Variants in CFAP299 observed in about 807,000 individuals in gnomAD.
CFAP299 encodes cilia- and flagella-associated protein 299.
In CFAP299, 21 loss-of-function variants were observed where a neutral mutation model predicts 27.0. The observed-to-expected ratio is 0.78, with a 90% confidence interval of 0.55 to 1.12. The LOEUF (loss-of-function observed/expected upper bound fraction) is 1.12. Among genes scored for constraint, CFAP299 ranks in the 50% most tolerant of loss-of-function variants. The probability of loss-of-function intolerance (pLI) is 0.00; values close to 1 mark genes in which losing one functional copy is unlikely to be tolerated. For synonymous variants in CFAP299, 104 were observed against 98.1 expected, an observed-to-expected ratio of 1.06 and a Z score of -0.36; for missense variants, 310 against 276.6, an observed-to-expected ratio of 1.12 and a Z score of -0.86.
At chr4:80,490,045 A>G (rs1391797601) in intron 2 of CFAP299, among the ~76,000 whole-genome samples, 1 of 152,150 alleles carries the variant, frequency 6.6e-6, no homozygotes, top group Non-Finnish European at 1.5e-5. Flanking sequence ...GTATCTCCTG[A>G]GCCTGCGACA....
At chr4:80,856,418 T>C (rs1428327929) in intron 3 of CFAP299, among the ~76,000 whole-genome samples, 1 of 151,724 alleles carries the variant, frequency 6.6e-6, no homozygotes, top group African/African-American at 2.4e-5. Context: ...TTAGATCCCA[T>C]TTGTCAATTT....
chr4:80,512,735 A>G (rs919784574), intron 2 of CFAP299, among the ~76,000 whole-genome samples: 5 of 152,078 alleles, frequency 3.3e-5, no homozygotes, highest in Admixed American at 2.6e-4. Flanking sequence ...CAAAAAAGAG[A>G]TGATTAAGTG....
At chr4:80,959,840 C>T (rs1402881468) in intron 5 of CFAP299, among the ~76,000 whole-genome samples, 2 of 151,750 alleles carry the variant, frequency 1.3e-5, no homozygotes, top group Admixed American at 6.6e-5. Flanking sequence ...TAATAGAGGA[C>T]ATTTGGACAT....
Position 80,583,264 on chromosome 4 carries a change from T to C in CFAP299, c.333+81T>C. 3 of 707,348 alleles carry C rather than the reference T, an allele frequency of 4.2e-6. No homozygotes were observed. In the South Asian group the frequency reaches 8.4e-5, roughly 20 times the overall value. The allele number at this position is 707,348 out of a possible 1,614,324, so 43.8% of individuals were successfully genotyped here. ...TTAAAAAATGTAACATTAAATATCTTTCTTAAAGTAATTTACAAGATATAA... is the reference window on the plus strand; with the variant it reads ...TTAAAAAATGTAACATTAAATATCTCTCTTAAAGTAATTTACAAGATATAA... On this transcript the variant is annotated intron_variant, in intron 3 of 5. Coordinates refer to ENST00000358105, the MANE Select transcript of CFAP299 (RefSeq NM_152770.3).
At chr4:80,720,479 G>A (rs1722748851) in intron 3 of CFAP299, among the ~76,000 whole-genome samples, 1 of 152,034 alleles carries the variant, frequency 6.6e-6, no homozygotes, top group Non-Finnish European at 1.5e-5. Flanking sequence ...TTTTAAGGTA[G>A]GATTAATTAT....
In CFAP299 at chr4:80,526,092, A is replaced by G. The variant is rs564543462; in HGVS notation, c.243-57001A>G. Among the ~76,000 whole-genome samples, 92 of 152,298 alleles carry G rather than the reference A, an allele frequency of 6.0e-4. 1 individual carries two copies. Among genetic ancestry groups the G allele is most frequent in the African/African-American group, 2.0e-3 (85 of 41,578 alleles). On this transcript the variant is annotated intron_variant, in intron 2 of 5. Coordinates refer to ENST00000358105, the MANE Select transcript of CFAP299 (RefSeq NM_152770.3). ...TGGATCTAAAGTGAAAACAGTACAT[A>G]CATGCACTATTTAGCAGTTATGTAC...
chr4:80,724,369 C>A (rs1020232880), intron 3 of CFAP299, among the ~76,000 whole-genome samples: 1 of 151,956 alleles, frequency 6.6e-6, no homozygotes, highest in African/African-American at 2.4e-5. Flanking sequence ...ATAATGTATA[C>A]ACAAACTCCA....
chr4:80,839,976 C>T (rs1730773811), intron 3 of CFAP299, among the ~76,000 whole-genome samples: 1 of 152,102 alleles, frequency 6.6e-6, no homozygotes, highest in African/African-American at 2.4e-5. Context: ...GATAATGAAA[C>T]TGCTTTATGG....
chr4:80,434,531 T>C (rs1727972813), intron 2 of CFAP299, among the ~76,000 whole-genome samples: 1 of 152,214 alleles, frequency 6.6e-6, no homozygotes, highest in African/African-American at 2.4e-5. Context: ...TTCCACCATG[T>C]AGATAAGAGC....
chr4:80,568,252 C>T (rs1735410507), intron 2 of CFAP299, among the ~76,000 whole-genome samples: 1 of 151,918 alleles, frequency 6.6e-6, no homozygotes. Context: ...CAGTCAGTTA[C>T]ATTGAAGCTT....
Position 80,338,830 on chromosome 4 carries a change from C to T in CFAP299, c.111+2951C>T, listed in dbSNP as rs17475356. On this transcript the variant is annotated intron_variant, in intron 1 of 5. Coordinates refer to ENST00000358105, the MANE Select transcript of CFAP299 (RefSeq NM_152770.3). Reference sequence around the variant, plus strand: ...AAACATTTACTATCTTCCAGGTACTCTTGTATTGTGTAGTATATTCTGCTC... The same window carrying T: ...AAACATTTACTATCTTCCAGGTACTTTTGTATTGTGTAGTATATTCTGCTC... Among the ~76,000 whole-genome samples, 1,319 of 152,276 alleles carry T rather than the reference C, an allele frequency of 8.7e-3. 9 individuals are homozygous for T. Among genetic ancestry groups the T allele is most frequent in the Non-Finnish European group, 0.013 (862 of 68,018 alleles).
At chr4:80,740,380 C>T (rs1724184588) in intron 3 of CFAP299, among the ~76,000 whole-genome samples, 3 of 152,188 alleles carry the variant, frequency 2.0e-5, no homozygotes, top group Admixed American at 1.3e-4. Flanking sequence ...CGCAGAGATA[C>T]TGCTTTGGTG....
At chr4:80,534,121 A>G (rs992787794) in intron 2 of CFAP299, among the ~76,000 whole-genome samples, 2 of 152,036 alleles carry the variant, frequency 1.3e-5, no homozygotes, top group African/African-American at 2.4e-5. Context: ...AAAAACTGAA[A>G]AAGTGATTAT....
At chr4:80,485,789 T>C (rs1730788762) in intron 2 of CFAP299, among the ~76,000 whole-genome samples, 1 of 152,148 alleles carries the variant, frequency 6.6e-6, no homozygotes, top group Non-Finnish European at 1.5e-5. Flanking sequence ...GCATCAAAAT[T>C]ATGCATTTTC....
intron 2 of CFAP299, among the ~76,000 whole-genome samples, chr4:80,579,338 A>G (rs773659578): frequency 5.3e-5 from 8 of 152,330 alleles, no homozygotes; most frequent in Non-Finnish European, 1.2e-4. Context: ...AGTTAGTGAC[A>G]TGAACATAAC....
At chr4:80,380,105 G>T (rs1211766101) in intron 2 of CFAP299, among the ~76,000 whole-genome samples, 2 of 151,906 alleles carry the variant, frequency 1.3e-5, no homozygotes, top group African/African-American at 4.8e-5. Flanking sequence ...TATGCTTCAT[G>T]ATTTTTTATT....
At chr4:80,430,861 A>G (rs1471659523) in intron 2 of CFAP299, among the ~76,000 whole-genome samples, 1 of 152,176 alleles carries the variant, frequency 6.6e-6, no homozygotes, top group African/African-American at 2.4e-5. Flanking sequence ...TCTCCGCTTC[A>G]GCCATTCTAG....
chr4:80,513,155 C>T (rs1042191627), intron 2 of CFAP299, among the ~76,000 whole-genome samples: 5 of 152,136 alleles, frequency 3.3e-5, no homozygotes, highest in Admixed American at 1.3e-4. Flanking sequence ...TAACTCATAA[C>T]ACTCTTTTAC....
At chr4:80,635,993 A>G (rs1212100086) in intron 3 of CFAP299, among the ~76,000 whole-genome samples, 1 of 152,308 alleles carries the variant, frequency 6.6e-6, no homozygotes, top group African/African-American at 2.4e-5. Flanking sequence ...CACTGATACT[A>G]AAAGGAAATG....
Sources: gnomAD v4.1 joint callset for allele counts (sites outside exome capture counted in the v4.1 genomes callset) on GRCh38, gnomAD v4.1.1 for gene constraint, MANE v1.5 for transcripts, NCBI Gene and HGNC (gene_info 2026-07-23, HGNC 2026-07-21) for gene names.